The following RUNX1T1 variants were observed in gnomAD, a reference collection of about 807,000 sequenced individuals.
RUNX1T1 encodes the protein RUNX1 partner transcriptional co-repressor 1, also known as protein CBFA2T1.
Under a neutral mutation model 62.8 loss-of-function variants are expected in RUNX1T1, and 4 were observed. That is an observed-to-expected ratio of 0.06 (90% CI 0.03 to 0.15). The LOEUF (loss-of-function observed/expected upper bound fraction) is 0.15, where lower values mean the gene tolerates loss of function less well. RUNX1T1 is among the 10% of genes least tolerant of loss of function. RUNX1T1 has a pLI of 1.00. For missense variants in RUNX1T1, 508 were observed against 754.3 expected (o/e 0.67, Z 3.82); for synonymous variants, 291 against 286.0 (o/e 1.02, Z -0.18).
chr8:92,005,066 C>G (rs1342914771), intron 5 of RUNX1T1, 50 bp downstream of exon 6: 1 of 1,469,098 alleles, frequency 6.8e-7, no homozygotes, highest in Non-Finnish European at 9.2e-7. Flanking sequence ...CCTCATGCCA[C>G]AGGTATGGGA....
intron 8 of RUNX1T1, among the ~76,000 whole-genome samples, chr8:91,983,620 T>C (rs932928234): frequency 2.6e-5 from 4 of 152,192 alleles, no homozygotes; most frequent in African/African-American, 7.2e-5. Flanking sequence ...TATAAAGATA[T>C]AGACATATCC....
At chr8:91,987,795 A>G (rs1372000302) in intron 6 of RUNX1T1, among the ~76,000 whole-genome samples, 1 of 152,162 alleles carries the variant, frequency 6.6e-6, no homozygotes, top group Non-Finnish European at 1.5e-5. Context: ...GAACAGAGAA[A>G]TCTGGAAACG....
At chr8:92,055,450 A>AT (rs888162286) in intron 1 of RUNX1T1, among the ~76,000 whole-genome samples, 12 of 151,490 alleles carry the variant, frequency 7.9e-5, no homozygotes, top group African/African-American at 1.5e-4. Context: ...TAATTTATTA[A>AT]TTTTTTTTTG....
rs1174525046 is a variant in RUNX1T1, at chr8:92,005,457, T to C, written c.478-160A>G. 2.5e-5 allele frequency: 15 copies of C among 610,070 alleles called. No homozygotes were observed. The Admixed American group carries it at 5.3e-4, about 21-fold the overall frequency. 37.8% of individuals were successfully genotyped at this position (610,070 alleles called of 1,614,324 possible). A position where few individuals can be genotyped will look rare whatever the true frequency, so the allele number is the denominator to read the frequency against. Reference sequence around the variant, plus strand: ...GAACCACAGGCACAATTCTCAGCACTGGGCTACCATGTGCGCAGATTGCCC... The same window carrying C: ...GAACCACAGGCACAATTCTCAGCACCGGGCTACCATGTGCGCAGATTGCCC... On this transcript the variant is annotated intron_variant, in intron 4 of 10. Transcript: ENST00000396218.
In RUNX1T1 at chr8:91,975,232, TAAC is replaced by T; in HGVS notation, c.1267+670_1267+672del. 2.6e-5 allele frequency among the ~76,000 whole-genome samples: 4 copies of T among 152,314 alleles called. 1 individual carries two copies. The South Asian group carries it at 8.3e-4, about 32-fold the overall frequency. ...CAGATCTGGACTTCTTTAAGCCCAA[TAAC>T]AAGTCAGTGGGTCATGAGGAGCTTT... On this transcript the variant is annotated intron_variant, in intron 9 of 10. Coordinates refer to ENST00000396218, the Ensembl canonical transcript of RUNX1T1.
At chr8:92,025,123 C>T (rs764693041) in intron 1 of RUNX1T1, among the ~76,000 whole-genome samples, 3 of 152,184 alleles carry the variant, frequency 2.0e-5, no homozygotes, top group Admixed American at 6.5e-5. Flanking sequence ...CCTGAATCAT[C>T]TACCATCTCT....
At chr8:92,076,230 T>G in intron 1 of RUNX1T1, 93 bp from the exon 2 acceptor site, 1 of 938,202 alleles carries the variant, frequency 1.1e-6, no homozygotes, top group Non-Finnish European at 1.4e-6. Flanking sequence ...CTAGGCCAGT[T>G]TTGTTATGTT....
At chr8:91,995,167 C>T (rs917141107) in intron 5 of RUNX1T1, among the ~76,000 whole-genome samples, 2 of 152,220 alleles carry the variant, frequency 1.3e-5, no homozygotes, top group African/African-American at 4.8e-5. Flanking sequence ...CTAGTTTTCT[C>T]TCTCCTTGAT....
At chr8:92,012,540 C>T (rs752345200) in intron 3 of RUNX1T1, among the ~76,000 whole-genome samples, 5 of 151,856 alleles carry the variant, frequency 3.3e-5, no homozygotes, top group Admixed American at 6.6e-5. Context: ...GAGAAAGACC[C>T]TGTCTCAAAA....
Position 92,032,403 on chromosome 8 carries a change from A to G in RUNX1T1, c.8-15040T>C, listed in dbSNP as rs532289038. ...ATTCTGTATGAATAAAAACTGCAGT[A>G]AAAAATTAAATATGTAAGTGCATAT... On this transcript the variant is annotated intron_variant, in intron 1 of 10. Coordinates refer to ENST00000396218, the Ensembl canonical transcript of RUNX1T1. 2.0e-5 allele frequency among the ~76,000 whole-genome samples: 3 copies of G among 152,302 alleles called. No individual in the cohort carries two copies. In the South Asian group the frequency reaches 6.2e-4, roughly 32 times the overall value.
At chr8:92,002,289 T>G (rs1229251273) in intron 5 of RUNX1T1, among the ~76,000 whole-genome samples, 1 of 152,070 alleles carries the variant, frequency 6.6e-6, no homozygotes, top group African/African-American at 2.4e-5. Context: ...TCCCCAGAGC[T>G]ACATTTAAAA....
chr8:92,005,326 C>T lies in RUNX1T1; in HGVS notation c.478-29G>A, dbSNP rs769061806. 37 of 1,599,862 alleles carry T rather than the reference C, an allele frequency of 2.3e-5. No individual in the cohort carries two copies. The Middle Eastern group carries it at 7.3e-4, about 32-fold the overall frequency. On this transcript the variant is annotated intron_variant, in intron 4 of 10. Transcript: ENST00000396218. ...CAAGGGAATGACAGGAATGAGAGGA[C>T]GGACTGAAAGTTTTCTTCTGTCCTG...
rs570089531 is a variant in RUNX1T1 at position 92,097,737 on chromosome 8, C to T, written c.-86+1843G>A. On this transcript the variant is annotated intron_variant, in intron 1 of 11. Transcript: ENST00000265814. ...GTTCAAAAGCTAATCTGCCAGTGGT[C>T]TTATTTTGTAAATGCACAGTATTTC... 2.6e-5 allele frequency among the ~76,000 whole-genome samples: 4 copies of T among 152,278 alleles called. No homozygotes were observed. The East Asian group carries it at 7.7e-4, about 29-fold the overall frequency.
chr8:92,011,130 T>C, intron 3 of RUNX1T1, 39 bp from the exon 5 acceptor site: 2 of 1,134,680 alleles, frequency 1.8e-6, no homozygotes, highest in Non-Finnish European at 2.7e-6. Context: ...CATTAGCCTG[T>C]TGGTAAATAG....
At chr8:92,088,349 C>G (rs1227570849) in intron 1 of RUNX1T1, among the ~76,000 whole-genome samples, 1 of 152,206 alleles carries the variant, frequency 6.6e-6, no homozygotes, top group Admixed American at 6.5e-5. Context: ...ACCTGTCTTA[C>G]AGTTCACATG....
chr8:92,064,243 T>C (rs954960960), upstream of RUNX1T1, among the ~76,000 whole-genome samples: 5 of 152,146 alleles, frequency 3.3e-5, no homozygotes, highest in Non-Finnish European at 5.9e-5. Flanking sequence ...CTAAATACTG[T>C]ACCCAAGAAG....
At chr8:92,092,013 A>C (rs1334728647) in intron 1 of RUNX1T1, among the ~76,000 whole-genome samples, 1 of 152,176 alleles carries the variant, frequency 6.6e-6, no homozygotes, top group East Asian at 1.9e-4. Flanking sequence ...TGAAGCCACA[A>C]ACTCAGCTAA....
chr8:92,046,430 C>T (rs1829416641), intron 1 of RUNX1T1, among the ~76,000 whole-genome samples: 1 of 152,176 alleles, frequency 6.6e-6, no homozygotes, highest in Non-Finnish European at 1.5e-5. Context: ...GTGGCACAAT[C>T]ATAGCTTACT....
At chr8:92,031,259 C>A (rs115542737) in intron 1 of RUNX1T1, among the ~76,000 whole-genome samples, 3 of 152,102 alleles carry the variant, frequency 2.0e-5, no homozygotes, top group African/African-American at 7.2e-5. Flanking sequence ...GTTTTTTGTA[C>A]TAAACCATCT....
Sources: gnomAD v4.1 joint callset for allele counts (sites outside exome capture counted in the v4.1 genomes callset) on GRCh38, gnomAD v4.1.1 for gene constraint, MANE v1.5 for transcripts, NCBI Gene and HGNC (gene_info 2026-07-23, HGNC 2026-07-21) for gene names.